XKR4: variants seen among roughly 807,000 people sequenced by gnomAD.
XKR4 encodes XK related 4.
In XKR4, 12 loss-of-function variants were observed where a neutral mutation model predicts 53.9. That is an observed-to-expected ratio of 0.22 (90% CI 0.14 to 0.36). The LOEUF (loss-of-function observed/expected upper bound fraction) is 0.36. Ranked by LOEUF, XKR4 falls within the 10% of genes least tolerant of loss-of-function variation. XKR4 has a pLI of 1.00. For missense variants in XKR4, 799 were observed against 859.5 expected (o/e 0.93, Z 0.88); for synonymous variants, 354 against 362.4 (o/e 0.98, Z 0.26).
chr8:55,449,849 G>T, intron 2 of XKR4: 1 of 1,045,464 alleles, frequency 9.6e-7, no homozygotes, highest in Non-Finnish European at 1.5e-6. Context: ...CTCACTCTCA[G>T]CTGTCTGGAA....
intron 1 of XKR4, among the ~76,000 whole-genome samples, chr8:55,342,868 C>T (rs1161076400): frequency 6.6e-6 from 1 of 152,194 alleles, no homozygotes; most frequent in Non-Finnish European, 1.5e-5. Context: ...TGCTTATCTT[C>T]CCCATCTAAA....
intron 2 of XKR4, among the ~76,000 whole-genome samples, chr8:55,431,804 T>C (rs934670445): frequency 1.3e-5 from 2 of 152,190 alleles, no homozygotes; most frequent in African/African-American, 4.8e-5. Context: ...TAACAACCTA[T>C]TCAAGAAAAA....
intron 1 of XKR4, chr8:55,164,598 A>T (rs1279331137): frequency 5.9e-6 from 2 of 341,736 alleles, no homozygotes; most frequent in Non-Finnish European, 5.9e-6. Flanking sequence ...TAGCCCTGAG[A>T]TGGCTGGACA....
intron 1 of XKR4, among the ~76,000 whole-genome samples, chr8:55,356,484 A>G (rs1275818730): frequency 6.6e-6 from 1 of 152,252 alleles, no homozygotes; most frequent in Non-Finnish European, 1.5e-5. Flanking sequence ...TACATATCAA[A>G]TAATCATCTT....
chr8:55,266,367 G>A (rs543772434), intron 1 of XKR4, among the ~76,000 whole-genome samples: 11 of 151,958 alleles, frequency 7.2e-5, no homozygotes, highest in Non-Finnish European at 1.6e-4. Flanking sequence ...AGCTGTCTCT[G>A]TCTTAGTGCA....
intron 2 of XKR4, among the ~76,000 whole-genome samples, chr8:55,485,966 T>C (rs1391959200): frequency 1.3e-5 from 2 of 152,220 alleles, no homozygotes; most frequent in African/African-American, 2.4e-5. Context: ...TTTATTTACA[T>C]TCTTAAAAGG....
At chr8:55,491,104 A>G (rs1264860932) in intron 2 of XKR4, among the ~76,000 whole-genome samples, 1 of 152,128 alleles carries the variant, frequency 6.6e-6, no homozygotes, top group Non-Finnish European at 1.5e-5. Context: ...TATGAGGTCT[A>G]ATATTCTGTT....
At chr8:55,318,730 T>C (rs1803156165) in intron 1 of XKR4, among the ~76,000 whole-genome samples, 1 of 152,128 alleles carries the variant, frequency 6.6e-6, no homozygotes, top group African/African-American at 2.4e-5. Context: ...TGGGAAAACA[T>C]ACACGCAGAA....
chr8:55,348,931 T>C (rs1224896672), intron 1 of XKR4, among the ~76,000 whole-genome samples: 3 of 151,418 alleles, frequency 2.0e-5, no homozygotes, highest in Non-Finnish European at 2.9e-5. Context: ...AAAGAGAGAG[T>C]GGTTTCCACA....
chr8:55,443,592 C>G (rs1334628327), intron 2 of XKR4, among the ~76,000 whole-genome samples: 1 of 144,262 alleles, frequency 6.9e-6, no homozygotes, highest in Non-Finnish European at 1.5e-5. Flanking sequence ...ACCTGTAAGC[C>G]CAGCACTTTG....
intron 1 of XKR4, among the ~76,000 whole-genome samples, chr8:55,288,491 A>T (rs931570329): frequency 5.9e-5 from 9 of 152,236 alleles, no homozygotes; most frequent in Non-Finnish European, 1.3e-4. Flanking sequence ...ATTTTAATTC[A>T]CTTGTAAATG....
At chr8:55,281,397 C>T (rs1203619600) in intron 1 of XKR4, among the ~76,000 whole-genome samples, 4 of 152,138 alleles carry the variant, frequency 2.6e-5, no homozygotes, top group Admixed American at 6.5e-5. Context: ...CACCACACAC[C>T]TCATGTATCT....
intron 1 of XKR4, among the ~76,000 whole-genome samples, chr8:55,264,524 G>T (rs1818571692): frequency 6.6e-6 from 1 of 152,162 alleles, no homozygotes; most frequent in Admixed American, 6.5e-5. Context: ...ATTCACAACT[G>T]TGTTTCACTG....
chr8:55,173,783 A>G (rs1225769282), intron 1 of XKR4, among the ~76,000 whole-genome samples: 1 of 152,204 alleles, frequency 6.6e-6, no homozygotes, highest in African/African-American at 2.4e-5. Context: ...TATCTCCAGC[A>G]TCAAAGGAAT....
In XKR4 at chr8:55,152,485, T is replaced by C. The variant is rs1450629446; in HGVS notation, c.806+49191T>C. 3.3e-5 allele frequency among the ~76,000 whole-genome samples: 5 copies of C among 152,282 alleles called. No individual in the cohort carries two copies. In the East Asian group the frequency reaches 9.7e-4, roughly 29 times the overall value. ...AAATAATGCACAGGTTATGAAAATT[T>C]TTTTGTCTTCAAAGAATGATAAATG... On this transcript the variant is annotated intron_variant, in intron 1 of 2. Coordinates refer to ENST00000327381, the MANE Select transcript of XKR4 (RefSeq NM_052898.2).
chr8:55,236,427 G>A (rs1818127450), intron 1 of XKR4, among the ~76,000 whole-genome samples: 1 of 152,168 alleles, frequency 6.6e-6, no homozygotes, highest in African/African-American at 2.4e-5. Context: ...GTGCAATCCA[G>A]GTGAGGCTGA....
chr8:55,512,539 T>C (rs1026783097), intron 2 of XKR4, among the ~76,000 whole-genome samples: 2 of 152,232 alleles, frequency 1.3e-5, no homozygotes, highest in African/African-American at 4.8e-5. Flanking sequence ...TCTACACTGC[T>C]CACTATGCTG....
At chr8:55,488,211 C>T (rs1437051121) in intron 2 of XKR4, among the ~76,000 whole-genome samples, 1 of 152,168 alleles carries the variant, frequency 6.6e-6, no homozygotes, top group African/African-American at 2.4e-5. Context: ...CTGACACCAC[C>T]AAATACTGAT....
intron 2 of XKR4, among the ~76,000 whole-genome samples, chr8:55,475,669 T>A (rs146810976): frequency 6.6e-6 from 1 of 151,870 alleles, no homozygotes; most frequent in African/African-American, 2.4e-5. Context: ...AGTGGCATGA[T>A]CTTGGCTCAC....
Sources: gnomAD v4.1 joint callset for allele counts (sites outside exome capture counted in the v4.1 genomes callset) on GRCh38, gnomAD v4.1.1 for gene constraint, MANE v1.5 for transcripts, NCBI Gene and HGNC (gene_info 2026-07-23, HGNC 2026-07-21) for gene names.